PPP3CC: variants seen among roughly 807,000 people sequenced by gnomAD.
The protein encoded by PPP3CC is serine/threonine-protein phosphatase 2B catalytic subunit gamma isoform.
PPP3CC carries 35 observed loss-of-function variants against 60.3 expected under a neutral mutation model. That is an observed-to-expected ratio of 0.58 (90% CI 0.44 to 0.77). The LOEUF is 0.77. Ranked by LOEUF, PPP3CC falls within the 30% of genes least tolerant of loss-of-function variation. The pLI, the probability that PPP3CC is intolerant of heterozygous loss-of-function variation, is 0.00. For missense variants in PPP3CC, 570 were observed against 628.9 expected (o/e 0.91, Z 1.00); for synonymous variants, 206 against 224.3 (o/e 0.92, Z 0.73).
intron 1 of PPP3CC, among the ~76,000 whole-genome samples, chr8:22,462,323 C>G: frequency 6.6e-6 from 1 of 152,130 alleles, no homozygotes. Flanking sequence ...TTCAGTTTAT[C>G]TGTTTTGCAA....
At chr8:22,527,740 A>G (rs1839597664) in intron 9 of PPP3CC, among the ~76,000 whole-genome samples, 1 of 151,862 alleles carries the variant, frequency 6.6e-6, no homozygotes, top group Non-Finnish European at 1.5e-5. Flanking sequence ...GGTTCAAGCA[A>G]TTCTCCTGCC....
chr8:22,447,584 C>A (rs1443114017), intron 1 of PPP3CC, among the ~76,000 whole-genome samples: 2 of 152,070 alleles, frequency 1.3e-5, no homozygotes, highest in Admixed American at 1.3e-4. Flanking sequence ...TCCCAAAGTG[C>A]TGGGATTACG....
intron 4 of PPP3CC, among the ~76,000 whole-genome samples, chr8:22,506,132 CCTG>C (rs1387509950): frequency 6.6e-6 from 1 of 152,074 alleles, no homozygotes; most frequent in African/African-American, 2.4e-5. Flanking sequence ...AATTTCATCT[CCTG>C]CTTTTAAAAA....
At chr8:22,521,980 C>CTA (rs1179229884) in intron 6 of PPP3CC, among the ~76,000 whole-genome samples, 7 of 150,200 alleles carry the variant, frequency 4.7e-5, no homozygotes, top group Non-Finnish European at 8.9e-5. Context: ...AAAAACAAAC[C>CTA]TATATATATA....
At chr8:22,531,481 C>T (rs1839715145) in intron 10 of PPP3CC, among the ~76,000 whole-genome samples, 1 of 152,102 alleles carries the variant, frequency 6.6e-6, no homozygotes, top group African/African-American at 2.4e-5. Context: ...GGACCTGTTG[C>T]GTGATCTGGC....
intron 10 of PPP3CC, among the ~76,000 whole-genome samples, chr8:22,531,814 T>C (rs1275755475): frequency 6.6e-6 from 1 of 152,236 alleles, no homozygotes; most frequent in Non-Finnish European, 1.5e-5. Flanking sequence ...GAATGATCAC[T>C]TGCCATTTGG....
chr8:22,492,651 C>A (rs1838441977), intron 3 of PPP3CC: 8 of 679,822 alleles, frequency 1.2e-5, no homozygotes, highest in Non-Finnish European at 2.1e-5. Context: ...GAAAGACTTG[C>A]CAAACTGCAG....
chr8:22,534,398 G>A (rs553286298), intron 12 of PPP3CC, among the ~76,000 whole-genome samples: 63 of 148,508 alleles, frequency 4.2e-4, no homozygotes, highest in African/African-American at 1.6e-3. Context: ...CTCCAGTCTG[G>A]GCAACAGGGC....
At chr8:22,506,769 G>A (rs984655316) in intron 4 of PPP3CC, among the ~76,000 whole-genome samples, 8 of 151,134 alleles carry the variant, frequency 5.3e-5, no homozygotes, top group Non-Finnish European at 1.2e-4. Context: ...GTGAAACCCC[G>A]TCTCTACTAA....
At chr8:22,457,874 C>A (rs547282305) in intron 1 of PPP3CC, among the ~76,000 whole-genome samples, 1 of 151,714 alleles carries the variant, frequency 6.6e-6, no homozygotes, top group South Asian at 2.1e-4. Context: ...GGCGGATCAC[C>A]TGAGGTCAGG....
chr8:22,453,963 GC>G (rs1359478917), intron 1 of PPP3CC, among the ~76,000 whole-genome samples: 1 of 152,156 alleles, frequency 6.6e-6, no homozygotes, highest in Non-Finnish European at 1.5e-5. Context: ...GAATGTGAAG[GC>G]CTAGGGCATT....
Position 22,522,543 on chromosome 8 carries a change from A to G in PPP3CC, c.823A>G (p.Arg275Gly), listed in dbSNP as rs971122400. ...GAACAATAATTTACTATCAATTATC[A>G]GAGCCCATGAAGCCCAAGATGCTGG... Reference protein sequence around the residue: ...LQNNNLLSIIRAHEAQDAGYR... With the variant: ...LQNNNLLSIIGAHEAQDAGYR... The change falls in exon 7 of 14, where the codon AGA becomes GGA. Residue 275 changes from arginine (R) to glycine (G), a missense_variant. By Grantham distance (125) the Arg-to-Gly change is moderately radical. Transcript: ENST00000240139. The G allele has an allele frequency of 6.2e-7, 1 of 1,612,688 alleles. No homozygotes were observed. Among genetic ancestry groups the G allele is most frequent in the Non-Finnish European group, 8.5e-7 (1 of 1,179,260 alleles).
chr8:22,516,112 T>A (rs1173023513), intron 6 of PPP3CC, among the ~76,000 whole-genome samples: 1 of 152,026 alleles, frequency 6.6e-6, no homozygotes, highest in Non-Finnish European at 1.5e-5. Flanking sequence ...CTGCTTTTTT[T>A]ATTTTCTGTA....
At chr8:22,447,900 G>A (rs1836880354) in intron 1 of PPP3CC, among the ~76,000 whole-genome samples, 1 of 152,142 alleles carries the variant, frequency 6.6e-6, no homozygotes, top group African/African-American at 2.4e-5. Context: ...AGATATACTG[G>A]ATGGCTGGAC....
intron 1 of PPP3CC, among the ~76,000 whole-genome samples, chr8:22,469,124 A>G (rs1332293685): frequency 1.3e-5 from 2 of 152,238 alleles, no homozygotes; most frequent in African/African-American, 2.4e-5. Flanking sequence ...AAAATATGGT[A>G]TATATACACA....
chr8:22,459,441 A>G (rs947159578), intron 1 of PPP3CC, among the ~76,000 whole-genome samples: 4 of 142,116 alleles, frequency 2.8e-5, no homozygotes, highest in Non-Finnish European at 6.0e-5. Flanking sequence ...CCACTTCATT[A>G]TTATCACTTT....
chr8:22,506,315 C>A (rs1480246178), intron 4 of PPP3CC, among the ~76,000 whole-genome samples: 1 of 151,818 alleles, frequency 6.6e-6, no homozygotes, highest in Non-Finnish European at 1.5e-5. Context: ...TCTTCTTGTA[C>A]GTGTGGTTTT....
At chr8:22,496,100 TA>T (rs148719554) in intron 3 of PPP3CC, among the ~76,000 whole-genome samples, 40 of 151,200 alleles carry the variant, frequency 2.6e-4, no homozygotes, top group African/African-American at 4.8e-4. Flanking sequence ...GTTTTTTTTT[TA>T]AAATGGCAAC....
intron 4 of PPP3CC, among the ~76,000 whole-genome samples, chr8:22,506,058 C>T (rs1838907940): frequency 6.6e-6 from 1 of 152,020 alleles, no homozygotes. Context: ...TCTCCCTCCT[C>T]CTACCCTCCA....
Sources: allele counts gnomAD v4.1 joint callset (sites outside exome capture counted in the v4.1 genomes callset), GRCh38; gene constraint gnomAD v4.1.1; transcripts MANE v1.5; gene names NCBI Gene and HGNC (gene_info 2026-07-23, HGNC 2026-07-21).